STIM2: variants seen among roughly 807,000 people sequenced by gnomAD.
The protein encoded by STIM2 is stromal interaction molecule 2.
STIM2 carries 31 observed loss-of-function variants against 85.8 expected under a neutral mutation model. That is an observed-to-expected ratio of 0.36 (90% CI 0.27 to 0.49). The LOEUF (loss-of-function observed/expected upper bound fraction) is 0.49. Among genes scored for constraint, STIM2 ranks in the 20% least tolerant of loss-of-function variants. The pLI, the probability that STIM2 is intolerant of heterozygous loss-of-function variation, is 0.98. For synonymous variants in STIM2, 356 were observed against 331.1 expected, an observed-to-expected ratio of 1.08 and a Z score of -0.82; for missense variants, 841 against 927.6, an observed-to-expected ratio of 0.91 and a Z score of 1.21.
intron 3 of STIM2, among the ~76,000 whole-genome samples, chr4:26,972,350 C>T (rs1034212869): frequency 6.6e-6 from 1 of 152,050 alleles, no homozygotes; most frequent in Non-Finnish European, 1.5e-5. Flanking sequence ...CAGTTTTTGC[C>T]CATTCAGTAT....
At chr4:26,946,535 G>C (rs573691711) in intron 2 of STIM2, among the ~76,000 whole-genome samples, 2 of 152,212 alleles carry the variant, frequency 1.3e-5, no homozygotes, top group African/African-American at 4.8e-5. Flanking sequence ...ATTTGCTGCT[G>C]TAGTCACCTG....
intron 2 of STIM2, among the ~76,000 whole-genome samples, chr4:26,931,867 CAATT>C (rs1400982497): frequency 6.6e-6 from 1 of 152,050 alleles, no homozygotes; most frequent in African/African-American, 2.4e-5. Flanking sequence ...AATCAGCACA[CAATT>C]AAAGTAGCAG....
intron 10 of STIM2, 131 bp downstream of exon 10, chr4:27,009,133 T>C: frequency 1.5e-6 from 1 of 677,810 alleles, no homozygotes. Context: ...CTCTTTCTTT[T>C]TGTTAGTAAT....
intron 4 of STIM2, among the ~76,000 whole-genome samples, chr4:26,996,623 G>A (rs1727969179): frequency 6.6e-6 from 1 of 152,038 alleles, no homozygotes; most frequent in Admixed American, 6.6e-5. Context: ...AGGGATAAGA[G>A]TCAATTTGAT....
At chr4:26,929,895 T>TA (rs779591964) in intron 2 of STIM2, among the ~76,000 whole-genome samples, 17 of 152,110 alleles carry the variant, frequency 1.1e-4, no homozygotes, top group Middle Eastern at 3.4e-3. Flanking sequence ...ATGGGGGCTG[T>TA]AATGTTCTAT....
At chr4:27,008,052 A>AT in intron 8 of STIM2, 1 of 711,816 alleles carries the variant, frequency 1.4e-6, no homozygotes, top group Non-Finnish European at 2.6e-6. Context: ...ATTGTGTGGA[A>AT]TGAGAATAAG....
intron 3 of STIM2, among the ~76,000 whole-genome samples, chr4:26,973,835 G>T (rs2109106894): frequency 6.6e-6 from 1 of 152,238 alleles, no homozygotes; most frequent in South Asian, 2.1e-4. Context: ...ATTGACAGTG[G>T]GTTGTTAAAG....
chr4:26,923,527 C>T (rs1468136100), intron 2 of STIM2, among the ~76,000 whole-genome samples: 16 of 140,836 alleles, frequency 1.1e-4, no homozygotes, highest in Non-Finnish European at 2.0e-4. Flanking sequence ...CTGAAGGAAG[C>T]GCTAAACATG....
rs150975796 is a variant in STIM2 at position 27,017,830 on chromosome 4, C to A, written c.1609C>A (p.His537Asn). 3.7e-6 allele frequency: 6 copies of A among 1,614,186 alleles called. No homozygotes were observed. The highest frequency in any genetic ancestry group is 2.2e-5 in the South Asian group (2 of 91,076). The change falls in exon 11 of 12, where the codon CAC becomes AAC. Residue 537 changes from histidine to asparagine, a missense_variant. This residue lies in a region of STIM2 where 293 missense variants were observed against 284.5 expected (regional missense o/e 1.03). Transcript: ENST00000467087. ...AGCTCAGCTTGCTCCACACGCCCCC[C>A]ACCCGTCACACCCTCGGCACCCTCA...
At chr4:26,995,284 G>A in intron 3 of STIM2, 95 bp from the exon 4 acceptor site, 1 of 617,448 alleles carries the variant, frequency 1.6e-6, no homozygotes, top group Non-Finnish European at 2.7e-6. Context: ...AATTGAAAAT[G>A]CAATCTAATA....
At chr4:26,996,732 CTTAAA>C (rs1363059576) in intron 4 of STIM2, among the ~76,000 whole-genome samples, 12 of 152,100 alleles carry the variant, frequency 7.9e-5, no homozygotes, top group Non-Finnish European at 1.5e-4. Context: ...AAAACAAGTT[CTTAAA>C]TTAAAACAGA....
intron 1 of STIM2, among the ~76,000 whole-genome samples, chr4:26,892,246 C>T (rs1005724376): frequency 1.3e-5 from 2 of 152,176 alleles, no homozygotes; most frequent in Admixed American, 6.5e-5. Context: ...CCAAAGACTG[C>T]GTGGCTTAAA....
intron 3 of STIM2, among the ~76,000 whole-genome samples, chr4:26,994,635 G>C (rs16878673): frequency 0.019 from 2,926 of 152,144 alleles, 102 homozygotes; most frequent in African/African-American, 0.067. Flanking sequence ...ATTGAAATTA[G>C]AAAACTGTCC....
At chr4:27,000,413 C>T (rs1728111727) in intron 5 of STIM2, among the ~76,000 whole-genome samples, 1 of 152,158 alleles carries the variant, frequency 6.6e-6, no homozygotes, top group Admixed American at 6.5e-5. Context: ...ATGCCCTTTC[C>T]AACCTTTTCC....
chr4:27,009,208 A>G (rs1728479088), intron 10 of STIM2, among the ~76,000 whole-genome samples: 1 of 152,042 alleles, frequency 6.6e-6, no homozygotes, highest in Non-Finnish European at 1.5e-5. Flanking sequence ...GTATATTTAT[A>G]TTATATATTT....
At chr4:26,879,532 G>C (rs958900034) in intron 1 of STIM2, among the ~76,000 whole-genome samples, 5 of 152,016 alleles carry the variant, frequency 3.3e-5, no homozygotes, top group African/African-American at 1.2e-4. Context: ...CACAGTCATT[G>C]TGTTAAGTTT....
rs962508318 is a variant in STIM2, at chr4:26,946,681, G to A, written c.283-10931G>A. ...TCCCTTTCCTTTTGCTTCCTACAAAGCTGAAACAAATTTTGAATGGCTTTA... is the reference window on the plus strand; with the variant it reads ...TCCCTTTCCTTTTGCTTCCTACAAAACTGAAACAAATTTTGAATGGCTTTA... On this transcript the variant is annotated intron_variant, in intron 2 of 11. Coordinates refer to ENST00000467087, the MANE Select transcript of STIM2 (RefSeq NM_020860.4). Among the ~76,000 whole-genome samples, 3 of 152,180 alleles carry A rather than the reference G, an allele frequency of 2.0e-5. No homozygotes were observed. The East Asian group carries it at 5.8e-4, about 29-fold the overall frequency.
intron 3 of STIM2, among the ~76,000 whole-genome samples, chr4:26,978,336 G>A (rs1727273622): frequency 6.8e-6 from 1 of 147,992 alleles, no homozygotes; most frequent in Admixed American, 6.8e-5. Context: ...ATATATATAT[G>A]GAATGACCCA....
chr4:26,899,939 T>C (rs935384870), intron 1 of STIM2, among the ~76,000 whole-genome samples: 2 of 152,212 alleles, frequency 1.3e-5, no homozygotes, highest in East Asian at 3.8e-4. Context: ...CTGTCTTGAG[T>C]GTGTCTCTTA....
Sources: allele counts gnomAD v4.1 joint callset (sites outside exome capture counted in the v4.1 genomes callset), GRCh38; gene constraint gnomAD v4.1.1; regional missense constraint gnomAD v4.1.1; transcripts MANE v1.5; gene names NCBI Gene and HGNC (gene_info 2026-07-23, HGNC 2026-07-21).